The following MTSS1 variants were observed in gnomAD, a reference collection of about 807,000 sequenced individuals.
MTSS1 encodes the protein MTSS I-BAR domain containing 1, also known as protein MTSS 1.
In MTSS1, 18 loss-of-function variants were observed where a neutral mutation model predicts 79.0. The ratio of observed to expected loss-of-function variants is 0.23; its 90% CI spans 0.16 to 0.34. The LOEUF (loss-of-function observed/expected upper bound fraction) is 0.34. Among genes scored for constraint, MTSS1 ranks in the 10% least tolerant of loss-of-function variants. The pLI is 1.00. For missense variants in MTSS1, 815 were observed against 986.2 expected, an observed-to-expected ratio of 0.83 and a Z score of 2.33; for synonymous variants, 341 against 368.6, an observed-to-expected ratio of 0.93 and a Z score of 0.86.
chr8:124,568,139 T>G, intron 7 of MTSS1: 1 of 682,170 alleles, frequency 1.5e-6, no homozygotes, highest in Non-Finnish European at 2.3e-6. Context: ...AGAACCACCC[T>G]GCTGGGCCTT....
At chr8:124,584,647 T>C (rs557564202) in intron 6 of MTSS1, among the ~76,000 whole-genome samples, 1 of 152,188 alleles carries the variant, frequency 6.6e-6, no homozygotes, top group Non-Finnish European at 1.5e-5. Context: ...GACTCCCAGC[T>C]TCCCCTGCAC....
chr8:124,596,727 C>A (rs925116824), intron 3 of MTSS1, among the ~76,000 whole-genome samples: 13 of 152,158 alleles, frequency 8.5e-5, no homozygotes, highest in Non-Finnish European at 1.9e-4. Flanking sequence ...CTAAAACCTA[C>A]AGGGAGAGTC....
intron 2 of MTSS1, among the ~76,000 whole-genome samples, chr8:124,703,779 T>G (rs1356118932): frequency 6.6e-6 from 1 of 152,216 alleles, no homozygotes; most frequent in Non-Finnish European, 1.5e-5. Flanking sequence ...AATAATGGTA[T>G]GTACCTTGTG....
intron 3 of MTSS1, among the ~76,000 whole-genome samples, chr8:124,668,448 C>T (rs530112097): frequency 1.3e-5 from 2 of 152,234 alleles, no homozygotes; most frequent in East Asian, 1.9e-4. Context: ...TTTGAAAACC[C>T]GCCTTTCTCG....
intron 10 of MTSS1, among the ~76,000 whole-genome samples, chr8:124,560,428 A>G (rs1455519188): frequency 1.3e-5 from 2 of 152,196 alleles, no homozygotes; most frequent in Non-Finnish European, 2.9e-5. Flanking sequence ...AATGCTCACT[A>G]TTTGGGTAAT....
chr8:124,572,580 G>A (rs572823107), intron 6 of MTSS1, among the ~76,000 whole-genome samples: 4 of 152,036 alleles, frequency 2.6e-5, no homozygotes, highest in African/African-American at 4.8e-5. Flanking sequence ...CAGCTCCCAC[G>A]GACTTGACTC....
At chr8:124,693,648 G>A (rs946276438) in intron 3 of MTSS1, among the ~76,000 whole-genome samples, 3 of 152,082 alleles carry the variant, frequency 2.0e-5, no homozygotes, top group Middle Eastern at 3.2e-3. Context: ...AAGGTCCGGC[G>A]TCCACCTGCC....
Position 124,640,903 on chromosome 8 carries a change from C to T in MTSS1, c.209-49668G>A, listed in dbSNP as rs191965002. ...TTATTTATACTGATTGTCTCAACCA[C>T]ACCTTAAACAACAGGAATTTCTTTA... On this transcript the variant is annotated intron_variant, in intron 3 of 13. Transcript: ENST00000518547. Among the ~76,000 whole-genome samples the T allele has an allele frequency of 4.6e-5, 7 of 152,276 alleles. No homozygotes were observed. In the East Asian group the frequency reaches 1.3e-3, roughly 29 times the overall value.
intron 3 of MTSS1, among the ~76,000 whole-genome samples, chr8:124,688,783 G>C (rs1017029131): frequency 6.6e-6 from 1 of 152,148 alleles, no homozygotes; most frequent in African/African-American, 2.4e-5. Context: ...CAACTGCTTA[G>C]GTGGTTTTTA....
intron 4 of MTSS1, 110 bp downstream of exon 4, chr8:124,591,041 C>A: frequency 1.1e-6 from 1 of 929,344 alleles, no homozygotes; most frequent in Non-Finnish European, 1.7e-6. Context: ...AATGAATGAG[C>A]CAAGTCAGAC....
chr8:124,695,243 C>A (rs991280897), intron 3 of MTSS1, among the ~76,000 whole-genome samples: 1 of 152,022 alleles, frequency 6.6e-6, no homozygotes, highest in African/African-American at 2.4e-5. Context: ...GAAACCAGAG[C>A]GACCTGCTAG....
chr8:124,715,348 CTTTT>C (rs534691484), intron 1 of MTSS1, among the ~76,000 whole-genome samples: 3 of 151,526 alleles, frequency 2.0e-5, no homozygotes, highest in Non-Finnish European at 4.4e-5. Context: ...TCTCTTTCTT[CTTTT>C]TTTTTAATTT....
In MTSS1 at chr8:124,727,575, A is replaced by C; in HGVS notation, c.72+309T>G. 6 of 535,090 alleles carry C rather than the reference A, an allele frequency of 1.1e-5. No individual in the cohort carries two copies. Among genetic ancestry groups the C allele is most frequent in the African/African-American group, 1.9e-5 (1 of 52,820 alleles). 33.1% of individuals were successfully genotyped at this position (535,090 alleles called of 1,614,324 possible). ...CAGACACTTACTTCAGGGACAGACA[A>C]TGGGAAAACTTGCAGCCAGTGCCTT... is the stretch of plus-strand genomic sequence containing the variant. On this transcript the variant is annotated intron_variant, in intron 1 of 13. Transcript: ENST00000518547. This position sits in a 1 kb window ranked among gnomAD's most constrained non-coding sequence, Gnocchi z 4.7.
intron 3 of MTSS1, among the ~76,000 whole-genome samples, chr8:124,602,702 G>A (rs1023372403): frequency 3.3e-5 from 5 of 152,146 alleles, no homozygotes; most frequent in East Asian, 1.9e-4. Context: ...GCCAGACCTC[G>A]GCTAGAGGTG....
In MTSS1 at chr8:124,557,825, C is replaced by T. The variant is rs367910603; in HGVS notation, c.1086G>A (p.Gly362=). The part of the protein sequence containing the change: ...HYSLSSESHV[G]PTGAGLFPHC... ...GAGGGAAAAGGCCTGCACCCGTGGG[C>T]CCCACGTGGGACTCACTTGATAAAC... Residue 362 remains glycine (G), a synonymous_variant, in exon 11 of 14, where the codon GGG becomes GGA. Transcript: ENST00000518547. 7.5e-6 allele frequency: 12 copies of T among 1,603,818 alleles called. No individual in the cohort carries two copies. The highest frequency in any genetic ancestry group is 8.5e-6 in the Non-Finnish European group (10 of 1,175,240).
intron 3 of MTSS1, among the ~76,000 whole-genome samples, chr8:124,675,504 T>G (rs1825119681): frequency 6.6e-6 from 1 of 152,194 alleles, no homozygotes; most frequent in African/African-American, 2.4e-5. Context: ...TATTTTGAAG[T>G]GAAATTGACA....
intron 4 of MTSS1, 26 bp downstream of exon 4, chr8:124,591,125 G>T: frequency 6.2e-7 from 1 of 1,601,718 alleles, no homozygotes; most frequent in Non-Finnish European, 8.6e-7. Flanking sequence ...GGGTGTTGGC[G>T]ATCGGGGCCA....
rs746509198 is a variant in MTSS1 at position 124,555,781 on chromosome 8, T to C, written c.1528A>G (p.Thr510Ala). ...QCSSGYSTQTTTPCCSEDTIP... is the reference protein window; with the variant it reads ...QCSSGYSTQTATPCCSEDTIP... The stretch of plus-strand genomic sequence containing the variant: ...GTGTCCTCAGAGCAGCAGGGGGTGG[T>C]TGTCTGGGTGCTGTAGCCGCTGGAG... Residue 510 changes from threonine to alanine, a missense_variant, in exon 13 of 14, where the codon ACC (threonine) becomes GCC (alanine). This residue lies in a region of MTSS1 where 590 missense variants were observed against 620.8 expected (regional missense o/e 0.95). Coordinates refer to ENST00000518547, the MANE Select transcript of MTSS1 (RefSeq NM_014751.6). The C allele has an allele frequency of 1.2e-5, 19 of 1,613,202 alleles. No homozygotes were observed. The highest frequency in any genetic ancestry group is 1.4e-5 in the Non-Finnish European group (17 of 1,179,710).
At chr8:124,705,957 C>T (rs374166148) in intron 1 of MTSS1, among the ~76,000 whole-genome samples, 2 of 152,300 alleles carry the variant, frequency 1.3e-5, no homozygotes, top group Admixed American at 6.5e-5. Flanking sequence ...ACAAAAATCA[C>T]GCCCAGTCAA....
Sources: allele counts gnomAD v4.1 joint callset (sites outside exome capture counted in the v4.1 genomes callset), GRCh38; gene constraint gnomAD v4.1.1; regional missense constraint gnomAD v4.1.1; non-coding constraint Gnocchi (gnomAD v3.1); transcripts MANE v1.5; gene names NCBI Gene and HGNC (gene_info 2026-07-23, HGNC 2026-07-21).